CNBD1: variants seen among roughly 807,000 people sequenced by gnomAD.
CNBD1 encodes cyclic nucleotide binding domain containing 1, also known as cyclic nucleotide-binding domain-containing protein 1.
In CNBD1, 71 loss-of-function variants were observed where a neutral mutation model predicts 54.4. The ratio of observed to expected loss-of-function variants is 1.30; its 90% CI spans 1.08 to 1.59. The LOEUF is 1.59. Ranked by LOEUF, CNBD1 falls within the 40% of genes most tolerant of loss-of-function variation. CNBD1 has a pLI of 0.00. For missense variants in CNBD1, 659 were observed against 518.0 expected, an observed-to-expected ratio of 1.27 and a Z score of -2.64; for synonymous variants, 182 against 170.7, an observed-to-expected ratio of 1.07 and a Z score of -0.51.
intron 4 of CNBD1, among the ~76,000 whole-genome samples, chr8:86,990,280 G>A (rs374890356): frequency 4.9e-4 from 74 of 152,186 alleles, no homozygotes; most frequent in African/African-American, 1.3e-3. Flanking sequence ...CTAGACCAGC[G>A]TCCTAGATAG....
At chr8:87,351,887 G>T in intron 9 of CNBD1, 93 bp downstream of exon 9, 4 of 1,190,624 alleles carry the variant, frequency 3.4e-6, no homozygotes, top group Non-Finnish European at 4.3e-6. Flanking sequence ...ACATTTATTT[G>T]TATTACTTTG....
intron 2 of CNBD1, among the ~76,000 whole-genome samples, chr8:87,388,836 G>A (rs112485392): frequency 0.015 from 2,291 of 152,122 alleles, 58 homozygotes; most frequent in African/African-American, 0.049. Flanking sequence ...GATTAACATC[G>A]ATGCAAAATC....
At chr8:87,007,530 AT>A (rs906091582) in intron 4 of CNBD1, among the ~76,000 whole-genome samples, 25 of 151,730 alleles carry the variant, frequency 1.6e-4, no homozygotes, top group African/African-American at 5.8e-4. Context: ...TGGTAATTCT[AT>A]TTTTTTTCCC....
At chr8:87,260,772 A>C (rs1316796741) in intron 6 of CNBD1, among the ~76,000 whole-genome samples, 1 of 151,976 alleles carries the variant, frequency 6.6e-6, no homozygotes, top group Non-Finnish European at 1.5e-5. Context: ...GTTCATTTGG[A>C]ATGTTCTACT....
chr8:87,143,785 T>C (rs964163745), intron 4 of CNBD1, among the ~76,000 whole-genome samples: 4 of 152,318 alleles, frequency 2.6e-5, no homozygotes, highest in East Asian at 1.9e-4. Context: ...ATCATCTCTA[T>C]TGGGAGTTCA....
At chr8:86,910,381 A>G (rs1253090491) in intron 3 of CNBD1, among the ~76,000 whole-genome samples, 1 of 152,122 alleles carries the variant, frequency 6.6e-6, no homozygotes, top group Non-Finnish European at 1.5e-5. Flanking sequence ...TGAACTTGTA[A>G]CACCTGTAAC....
intron 5 of CNBD1, among the ~76,000 whole-genome samples, chr8:87,206,409 T>C (rs1813977843): frequency 6.6e-6 from 1 of 152,112 alleles, no homozygotes; most frequent in African/African-American, 2.4e-5. Flanking sequence ...ACCCATATTG[T>C]CGGGTTTAAA....
intron 4 of CNBD1, among the ~76,000 whole-genome samples, chr8:86,948,302 C>T (rs139956854): frequency 6.6e-6 from 1 of 151,976 alleles, no homozygotes; most frequent in Non-Finnish European, 1.5e-5. Context: ...GGATCATATA[C>T]CTCTAATTTT....
intron 2 of CNBD1, among the ~76,000 whole-genome samples, chr8:86,898,422 A>G (rs1808879845): frequency 6.6e-6 from 1 of 152,174 alleles, no homozygotes; most frequent in Non-Finnish European, 1.5e-5. Flanking sequence ...CAGATTCAAG[A>G]CTTACTATAA....
At chr8:87,219,412 G>C (rs1271841840) in intron 5 of CNBD1, among the ~76,000 whole-genome samples, 2 of 151,982 alleles carry the variant, frequency 1.3e-5, no homozygotes, top group African/African-American at 4.8e-5. Flanking sequence ...AAGTCTTACT[G>C]ATAACAGTGT....
chr8:87,228,949 G>C (rs1030803531), intron 5 of CNBD1, among the ~76,000 whole-genome samples: 1 of 152,184 alleles, frequency 6.6e-6, no homozygotes, highest in African/African-American at 2.4e-5. Flanking sequence ...ATGGTGCGCC[G>C]TTTTTTAAGC....
chr8:87,015,335 A>T (rs1035802192), intron 4 of CNBD1, among the ~76,000 whole-genome samples: 20 of 151,758 alleles, frequency 1.3e-4, no homozygotes, highest in African/African-American at 4.4e-4. Flanking sequence ...GGCACCTGCT[A>T]CCATGCCCAG....
intron 2 of CNBD1, among the ~76,000 whole-genome samples, chr8:87,415,766 G>T (rs1415766286): frequency 6.6e-6 from 1 of 151,472 alleles, no homozygotes; most frequent in Admixed American, 6.6e-5. Context: ...TAAACCTCCT[G>T]CTTAAAAAGC....
intron 2 of CNBD1, among the ~76,000 whole-genome samples, chr8:87,412,422 AAAAG>A (rs1192897789): frequency 6.6e-6 from 1 of 152,128 alleles, no homozygotes; most frequent in African/African-American, 2.4e-5. Context: ...ATGTCAGAAT[AAAAG>A]AAATGTGCCT....
At chr8:87,175,909 ATTC>A (rs1813187032) in intron 4 of CNBD1, among the ~76,000 whole-genome samples, 1 of 152,088 alleles carries the variant, frequency 6.6e-6, no homozygotes, top group South Asian at 2.1e-4. Flanking sequence ...GGGATGGGTG[ATTC>A]TCCTCTGGCT....
Position 87,248,750 on chromosome 8 carries a change from G to A in CNBD1, c.771+11638G>A, listed in dbSNP as rs149397119. ...CAGAGTCTTTTGATGTCCCCTCATTGGGTCTTTCCCCCTTTTCAAAGAAAT... is the reference window on the plus strand; with the variant it reads ...CAGAGTCTTTTGATGTCCCCTCATTAGGTCTTTCCCCCTTTTCAAAGAAAT... On this transcript the variant is annotated intron_variant, in intron 6 of 10. Coordinates refer to ENST00000518476, the MANE Select transcript of CNBD1 (RefSeq NM_173538.3). 8.4e-3 allele frequency among the ~76,000 whole-genome samples: 1,275 copies of A among 152,152 alleles called. 19 individuals are homozygous for A. The highest frequency in any genetic ancestry group is 0.029 in the African/African-American group (1,212 of 41,504).
chr8:87,379,512 A>G (rs1251821928), intron 10 of CNBD1, among the ~76,000 whole-genome samples: 1 of 152,032 alleles, frequency 6.6e-6, no homozygotes, highest in South Asian at 2.1e-4. Flanking sequence ...GTAAAAGAAC[A>G]GAATTTATAA....
chr8:87,374,601 T>A (rs1810887367), intron 10 of CNBD1, among the ~76,000 whole-genome samples: 1 of 151,820 alleles, frequency 6.6e-6, no homozygotes, highest in Non-Finnish European at 1.5e-5. Flanking sequence ...TGGGGCACGT[T>A]AAATTTCCCA....
At chr8:86,875,662 T>C (rs1808510018) in intron 1 of CNBD1, among the ~76,000 whole-genome samples, 1 of 152,182 alleles carries the variant, frequency 6.6e-6, no homozygotes, top group Admixed American at 6.5e-5. Context: ...TTTATCTCGT[T>C]CCTGAATTTA....
Sources: gnomAD v4.1 joint callset for allele counts (sites outside exome capture counted in the v4.1 genomes callset) on GRCh38, gnomAD v4.1.1 for gene constraint, MANE v1.5 for transcripts, NCBI Gene and HGNC (gene_info 2026-07-23, HGNC 2026-07-21) for gene names.